JAZF1: variants seen among roughly 807,000 people sequenced by gnomAD.
The protein encoded by JAZF1 is JAZF zinc finger 1.
In JAZF1, 8 loss-of-function variants were observed where a neutral mutation model predicts 26.4. The observed-to-expected ratio is 0.30, with a 90% CI of 0.18 to 0.55. JAZF1 has a LOEUF of 0.55. Ranked by LOEUF, JAZF1 falls within the 20% of genes least tolerant of loss-of-function variation. JAZF1 has a pLI of 0.94. For missense variants in JAZF1, 199 were observed against 322.0 expected, an observed-to-expected ratio of 0.62 and a Z score of 2.92; for synonymous variants, 126 against 122.3, an observed-to-expected ratio of 1.03 and a Z score of -0.20.
intron 1 of JAZF1, among the ~76,000 whole-genome samples, chr7:28,101,551 A>T (rs1784471250): frequency 7.0e-6 from 1 of 143,706 alleles, no homozygotes; most frequent in Admixed American, 7.2e-5. Context: ...CAGACTGGAC[A>T]GCATAATGAG....
chr7:28,043,614 A>AT (rs1783443001), intron 1 of JAZF1, among the ~76,000 whole-genome samples: 1 of 152,160 alleles, frequency 6.6e-6, no homozygotes, highest in African/African-American at 2.4e-5. Flanking sequence ...GAATTACCAT[A>AT]TGACGGGCAA....
chr7:27,870,613 G>C (rs1294023819), intron 3 of JAZF1, among the ~76,000 whole-genome samples: 1 of 152,148 alleles, frequency 6.6e-6, no homozygotes, highest in East Asian at 1.9e-4. Flanking sequence ...ACAAGACCAA[G>C]GGCCTGGGGA....
At chr7:28,028,807 G>A (rs1372247923) in intron 1 of JAZF1, among the ~76,000 whole-genome samples, 1 of 152,176 alleles carries the variant, frequency 6.6e-6, no homozygotes, top group Non-Finnish European at 1.5e-5. Context: ...AGTGAATTAA[G>A]TATAAAGACA....
At chr7:27,895,813 T>C (rs910311497) in intron 2 of JAZF1, among the ~76,000 whole-genome samples, 4 of 152,250 alleles carry the variant, frequency 2.6e-5, no homozygotes, top group Non-Finnish European at 4.4e-5. Flanking sequence ...GCTTCCTTTA[T>C]CTGCAGGTTG....
At chr7:27,898,889 G>A (rs1247828988) in intron 2 of JAZF1, among the ~76,000 whole-genome samples, 8 of 151,880 alleles carry the variant, frequency 5.3e-5, no homozygotes. Flanking sequence ...TATAAATCAT[G>A]GTAACCTTGA....
chr7:28,071,196 G>A (rs1270060805), intron 1 of JAZF1, among the ~76,000 whole-genome samples: 5 of 152,178 alleles, frequency 3.3e-5, no homozygotes, highest in South Asian at 2.1e-4. Flanking sequence ...AGGTGTAGCC[G>A]GAAGCCAGTG....
intron 2 of JAZF1, among the ~76,000 whole-genome samples, chr7:27,956,705 G>A (rs920979732): frequency 1.3e-5 from 2 of 152,146 alleles, no homozygotes; most frequent in Admixed American, 1.3e-4. Context: ...TCACACCATG[G>A]CCCAAAAGGA....
At position 27,907,951 on chromosome 7, in the gene JAZF1, T is replaced by G. The variant is rs990989716; in HGVS notation, c.189-12535A>C. Among the ~76,000 whole-genome samples, 3 of 152,210 alleles carry G rather than the reference T, an allele frequency of 2.0e-5. No individual in the cohort carries two copies. In the South Asian group the frequency reaches 6.2e-4, roughly 32 times the overall value. On this transcript the variant is annotated intron_variant, in intron 2 of 4. Coordinates refer to ENST00000283928, the MANE Select transcript of JAZF1 (RefSeq NM_175061.4). ...ATGAAGGTGACATGTAAGCTGAAAG[T>G]CTGTGCCATCGTGGACTTACACATT...
intron 1 of JAZF1, among the ~76,000 whole-genome samples, chr7:28,175,559 T>C (rs1462302375): frequency 6.6e-6 from 1 of 152,230 alleles, no homozygotes; most frequent in Non-Finnish European, 1.5e-5. Flanking sequence ...GTACGGTTAA[T>C]TTGCCCCTGG....
intron 3 of JAZF1, among the ~76,000 whole-genome samples, chr7:27,886,143 A>G (rs1304602860): frequency 6.6e-6 from 1 of 152,230 alleles, no homozygotes; most frequent in African/African-American, 2.4e-5. Flanking sequence ...GTGTAAACAC[A>G]GCAGTTGTTC....
chr7:27,859,491 T>C (rs1248684788), intron 3 of JAZF1, among the ~76,000 whole-genome samples: 1 of 152,120 alleles, frequency 6.6e-6, no homozygotes, highest in Non-Finnish European at 1.5e-5. Context: ...CCATCAATGA[T>C]AGATAAAGAA....
At chr7:27,868,931 C>T (rs931152980) in intron 3 of JAZF1, among the ~76,000 whole-genome samples, 1 of 152,136 alleles carries the variant, frequency 6.6e-6, no homozygotes, top group Non-Finnish European at 1.5e-5. Context: ...ATGAAAGGGA[C>T]GATATTTTTC....
intron 1 of JAZF1, among the ~76,000 whole-genome samples, chr7:28,120,717 A>AT (rs1338707912): frequency 1.2e-4 from 18 of 152,092 alleles, no homozygotes; most frequent in Admixed American, 5.2e-4. Context: ...TTCTCCCCAG[A>AT]TGAGGCCTAA....
At chr7:28,060,965 C>T (rs902962557) in intron 1 of JAZF1, among the ~76,000 whole-genome samples, 1 of 152,178 alleles carries the variant, frequency 6.6e-6, no homozygotes, top group Non-Finnish European at 1.5e-5. Context: ...ATCCTGCAGG[C>T]AGTATGATTT....
At chr7:27,913,006 C>T (rs916530328) in intron 2 of JAZF1, among the ~76,000 whole-genome samples, 11 of 152,134 alleles carry the variant, frequency 7.2e-5, no homozygotes, top group Middle Eastern at 6.8e-3. Context: ...ATCGCTCCCT[C>T]GGAGAACATG....
At chr7:27,922,874 G>C (rs1164390311) in intron 2 of JAZF1, among the ~76,000 whole-genome samples, 2 of 152,220 alleles carry the variant, frequency 1.3e-5, no homozygotes, top group African/African-American at 4.8e-5. Flanking sequence ...AAAACATTAT[G>C]ATCAACATTC....
At chr7:28,000,600 TTC>T (rs1786128350) in intron 1 of JAZF1, among the ~76,000 whole-genome samples, 1 of 17,068 alleles carries the variant, frequency 5.9e-5, no homozygotes, top group East Asian at 3.2e-4. Flanking sequence ...TATTTTCTTT[TTC>T]TTTCTTTCTT....
intron 1 of JAZF1, among the ~76,000 whole-genome samples, chr7:28,087,494 TA>T (rs536458300): frequency 5.3e-5 from 8 of 151,246 alleles, no homozygotes; most frequent in Non-Finnish European, 8.9e-5. Flanking sequence ...AAATAGGATT[TA>T]AAAAAAAATA....
chr7:28,092,290 C>CAAAAA (rs749913273), intron 1 of JAZF1, among the ~76,000 whole-genome samples: 1 of 12,802 alleles, frequency 7.8e-5, no homozygotes, highest in Non-Finnish European at 1.9e-4. Context: ...GGACAAAAGG[C>CAAAAA]AAAAAAAAAA....
Sources: allele counts gnomAD v4.1 joint callset (sites outside exome capture counted in the v4.1 genomes callset), GRCh38; gene constraint gnomAD v4.1.1; transcripts MANE v1.5; gene names NCBI Gene and HGNC (gene_info 2026-07-23, HGNC 2026-07-21).